Variants in HIVEP2 observed in about 807,000 individuals in gnomAD.
HIVEP2 encodes the protein transcription factor HIVEP2.
A neutral mutation model predicts 180.7 loss-of-function variants in HIVEP2; 14 were observed. The ratio of observed to expected loss-of-function variants is 0.08; its 90% confidence interval spans 0.05 to 0.12. The LOEUF (loss-of-function observed/expected upper bound fraction) is 0.12, where lower values mean the gene tolerates loss of function less well. Among genes scored for constraint, HIVEP2 ranks in the 10% least tolerant of loss-of-function variants. The pLI is 1.00. For synonymous variants in HIVEP2, 1,184 were observed against 1,136.4 expected, an observed-to-expected ratio of 1.04 and a Z score of -0.84; for missense variants, 2,579 against 3,008.5, an observed-to-expected ratio of 0.86 and a Z score of 3.34.
At chr6:142,808,652 G>A (rs1776613197) in intron 2 of HIVEP2, among the ~76,000 whole-genome samples, 3 of 150,604 alleles carry the variant, frequency 2.0e-5, no homozygotes, top group Admixed American at 6.6e-5. Flanking sequence ...ATGGAGAGAA[G>A]AAAGGAGGGC....
At chr6:142,839,744 G>C (rs1269714477) in intron 1 of HIVEP2, among the ~76,000 whole-genome samples, 1 of 152,092 alleles carries the variant, frequency 6.6e-6, no homozygotes, top group African/African-American at 2.4e-5. Flanking sequence ...GCCCTCTAGA[G>C]TAGCAACCAC....
At chr6:142,868,843 T>C (rs1374544749) in intron 1 of HIVEP2, among the ~76,000 whole-genome samples, 1 of 152,186 alleles carries the variant, frequency 6.6e-6, no homozygotes, top group Non-Finnish European at 1.5e-5. Context: ...TCCTAACCCA[T>C]GTTGTTGAAA....
At chr6:142,795,106 T>C (rs1321859821) in intron 2 of HIVEP2, among the ~76,000 whole-genome samples, 2 of 152,218 alleles carry the variant, frequency 1.3e-5, no homozygotes, top group Non-Finnish European at 2.9e-5. Context: ...TGGCTTAATT[T>C]TTATATTCCT....
Position 142,758,084 on chromosome 6 carries a change from T to A in HIVEP2, c.6516+1688A>T, listed in dbSNP as rs115506431. Among the ~76,000 whole-genome samples the A allele has an allele frequency of 5.1e-3, 778 of 152,326 alleles. 9 individuals carry two copies. Among genetic ancestry groups the A allele is most frequent in the African/African-American group, 0.018 (743 of 41,564 alleles). ...AGAGAAAGCATGTGTCATCCCAGAC[T>A]TGGTATCCCATGATCCAGGAGATTT... On this transcript the variant is annotated intron_variant, in intron 9 of 9. Transcript: ENST00000367603.
At chr6:142,828,717 A>G (rs1334629807) in intron 2 of HIVEP2, among the ~76,000 whole-genome samples, 3 of 152,202 alleles carry the variant, frequency 2.0e-5, no homozygotes, top group Non-Finnish European at 2.9e-5. Flanking sequence ...GGTGTGAGCC[A>G]CTGCACCTGG....
intron 2 of HIVEP2, among the ~76,000 whole-genome samples, chr6:142,806,615 C>T (rs1776554132): frequency 6.6e-6 from 1 of 152,058 alleles, no homozygotes; most frequent in Non-Finnish European, 1.5e-5. Flanking sequence ...TTACCATATT[C>T]AAGGTATAAT....
At chr6:142,828,214 T>C (rs893062726) in intron 2 of HIVEP2, among the ~76,000 whole-genome samples, 5 of 152,204 alleles carry the variant, frequency 3.3e-5, no homozygotes, top group Admixed American at 6.5e-5. Flanking sequence ...TCCTCCTCCC[T>C]TAGCTTCCTT....
intron 9 of HIVEP2, among the ~76,000 whole-genome samples, chr6:142,756,376 G>C (rs1775068556): frequency 6.6e-6 from 1 of 152,180 alleles, no homozygotes; most frequent in Admixed American, 6.5e-5. Flanking sequence ...TCCTGAAGGT[G>C]CTGACATGCC....
intron 1 of HIVEP2, among the ~76,000 whole-genome samples, chr6:142,924,910 G>A (rs549903990): frequency 6.6e-6 from 1 of 152,258 alleles, no homozygotes; most frequent in East Asian, 1.9e-4. Context: ...CAAAACTGGG[G>A]ATTATTGTTC....
At chr6:142,937,038 G>A (rs542397158) in intron 1 of HIVEP2, among the ~76,000 whole-genome samples, 1 of 152,284 alleles carries the variant, frequency 6.6e-6, no homozygotes, top group South Asian at 2.1e-4. Context: ...TTGCACAGAA[G>A]TTCGAGTGGG....
Position 142,881,283 on chromosome 6 carries a change from T to A in HIVEP2, c.-640-44236A>T, listed in dbSNP as rs141659532. Among the ~76,000 whole-genome samples the A allele has an allele frequency of 4.7e-3, 723 of 152,330 alleles. 9 individuals carry two copies. The highest frequency in any genetic ancestry group is 6.5e-3 in the Non-Finnish European group (441 of 68,020). ...GATTTTATGGAAAATTAGGCACTTG[T>A]GGGCAATTAGTTGTTTAAATATCTA... is the stretch of plus-strand genomic sequence containing the variant. On this transcript the variant is annotated intron_variant, in intron 1 of 9. Transcript: ENST00000367603.
intron 7 of HIVEP2, among the ~76,000 whole-genome samples, chr6:142,762,847 T>A (rs1287376079): frequency 6.6e-6 from 1 of 152,188 alleles, no homozygotes; most frequent in Non-Finnish European, 1.5e-5. Context: ...TTTGAATAAT[T>A]CCAAACAGAA....
chr6:142,809,134 T>C (rs1413817292), intron 2 of HIVEP2, among the ~76,000 whole-genome samples: 2 of 152,002 alleles, frequency 1.3e-5, no homozygotes, highest in East Asian at 3.9e-4. Context: ...GCATAATCCA[T>C]GTAAGGGATG....
chr6:142,849,142 A>T (rs1449144952), intron 1 of HIVEP2, among the ~76,000 whole-genome samples: 1 of 152,206 alleles, frequency 6.6e-6, no homozygotes, highest in Admixed American at 6.5e-5. Context: ...GCAAAGGTAC[A>T]CAAATGTGTT....
At position 142,820,104 on chromosome 6, in the gene HIVEP2, T is replaced by C. The variant is rs1229683755; in HGVS notation, c.-528+16831A>G. ...AACATACATCATACCACTTCCCCTA[T>C]AGAAAAAAGAAAGCAGCCCGATTTA... On this transcript the variant is annotated intron_variant, in intron 2 of 9. Coordinates refer to ENST00000367603, the MANE Select transcript of HIVEP2 (RefSeq NM_006734.4). Among the ~76,000 whole-genome samples, 6 of 152,198 alleles carry C rather than the reference T, an allele frequency of 3.9e-5. No individual in the cohort carries two copies. In the South Asian group the frequency reaches 1.2e-3, roughly 32 times the overall value.
In HIVEP2 at chr6:142,774,374, G is replaced by A; in HGVS notation, c.365C>T (p.Pro122Leu). Residue 122 changes from proline (P) to leucine (L), a missense_variant, in exon 5 of 10, where the codon CCT becomes CTT. By Grantham distance (98) the Pro-to-Leu change is moderately conservative. Around this residue, in one of 11 missense-constraint regions of HIVEP2, gnomAD observed 207 missense variants for 210.1 expected, o/e 0.99. Transcript: ENST00000367603. The surrounding 1 kb of genome is among the most constrained non-coding windows in gnomAD (Gnocchi z 5.1). Reference protein sequence around the residue: ...STKPHQSLEGPPWLFPGPLPS... With the variant: ...STKPHQSLEGLPWLFPGPLPS... ...CAAAGGGCCAGGGAAAAGCCACGGA[G>A]GACCTTCGAGGCTCTGATGTGGCTT... 2 of 1,614,198 alleles carry A rather than the reference G, an allele frequency of 1.2e-6. No individual in the cohort carries two copies. Among genetic ancestry groups the A allele is most frequent in the Non-Finnish European group, 8.5e-7 (1 of 1,180,044 alleles).
At chr6:142,904,729 T>C (rs1291206150) in intron 1 of HIVEP2, among the ~76,000 whole-genome samples, 1 of 152,230 alleles carries the variant, frequency 6.6e-6, no homozygotes, top group Non-Finnish European at 1.5e-5. Context: ...CTATTAATAC[T>C]GATATTTTAA....
At position 142,943,217 on chromosome 6, in the gene HIVEP2, T is replaced by C. The variant is rs978406410; in HGVS notation, c.-641+1882A>G. Among the ~76,000 whole-genome samples the C allele has an allele frequency of 4.6e-5, 7 of 152,180 alleles. No homozygotes were observed. The highest frequency in any genetic ancestry group is 1.7e-4 in the African/African-American group (7 of 41,452). On this transcript the variant is annotated intron_variant, in intron 1 of 9. Coordinates refer to ENST00000367603, the MANE Select transcript of HIVEP2 (RefSeq NM_006734.4). This position sits in a 1 kb window ranked among gnomAD's most constrained non-coding sequence, Gnocchi z 4.5. The stretch of plus-strand genomic sequence containing the variant: ...CCTATATCCTAAAAATCAAACCCAA[T>C]CTACTCATTCCACAGTCTACTTCGT...
At chr6:142,817,586 T>A (rs1776876763) in intron 2 of HIVEP2, among the ~76,000 whole-genome samples, 1 of 152,178 alleles carries the variant, frequency 6.6e-6, no homozygotes, top group African/African-American at 2.4e-5. Flanking sequence ...GTTCACACTC[T>A]GAGATGTAAA....
Sources: gnomAD v4.1 joint callset for allele counts (sites outside exome capture counted in the v4.1 genomes callset) on GRCh38, gnomAD v4.1.1 for gene constraint, gnomAD v4.1.1 regional missense constraint, Gnocchi (gnomAD v3.1) non-coding constraint, MANE v1.5 for transcripts, NCBI Gene and HGNC (gene_info 2026-07-23, HGNC 2026-07-21) for gene names.